Variants in AXDND1 observed in about 807,000 individuals in gnomAD.
The protein encoded by AXDND1 is axonemal dynein light chain domain containing 1.
In AXDND1, 110 loss-of-function variants were observed where a neutral mutation model predicts 137.5. The ratio of observed to expected loss-of-function variants is 0.80; its 90% CI spans 0.69 to 0.94. The LOEUF (loss-of-function observed/expected upper bound fraction) is 0.94, where lower values mean the gene tolerates loss of function less well. Ranked by LOEUF, AXDND1 falls within the 40% of genes least tolerant of loss-of-function variation. The probability of loss-of-function intolerance (pLI) is 0.00; values close to 1 mark genes in which losing one functional copy is unlikely to be tolerated. For missense variants in AXDND1, 1,191 were observed against 1,169.8 expected (o/e 1.02, Z -0.26); for synonymous variants, 414 against 399.7 (o/e 1.04, Z -0.43).
rs374637049 is a variant in AXDND1, at chr1:179,528,324, T to C, written c.2611-3T>C. On this transcript the variant is annotated splice_region_variant and splice_polypyrimidine_tract_variant and intron_variant, in intron 22 of 25. Coordinates refer to ENST00000367618, the MANE Select transcript of AXDND1 (RefSeq NM_144696.6). Reference sequence around the variant, plus strand: ...AACAGGTCCGCATGTTTCTGTGTTCTAGCAACCTTCAACATCTACAGAGAA... The same window carrying C: ...AACAGGTCCGCATGTTTCTGTGTTCCAGCAACCTTCAACATCTACAGAGAA... 384 of 1,610,594 alleles carry C rather than the reference T, an allele frequency of 2.4e-4. No individual in the cohort carries two copies. The highest frequency in any genetic ancestry group is 3.1e-4 in the Non-Finnish European group (367 of 1,177,094).
intron 25 of AXDND1, chr1:179,550,775 C>T (rs1673139325): frequency 3.5e-6 from 1 of 288,162 alleles, no homozygotes; most frequent in South Asian, 3.9e-5. Context: ...GTGTGACAAG[C>T]CCAATGATAG....
intron 16 of AXDND1, among the ~76,000 whole-genome samples, chr1:179,446,926 A>G (rs1038639891): frequency 6.6e-6 from 1 of 152,104 alleles, no homozygotes; most frequent in East Asian, 1.9e-4. Flanking sequence ...ACTTTTAAAA[A>G]TTGATTGGAA....
intron 20 of AXDND1, among the ~76,000 whole-genome samples, chr1:179,505,939 C>T (rs1365364348): frequency 6.6e-6 from 1 of 152,172 alleles, no homozygotes; most frequent in African/African-American, 2.4e-5. Flanking sequence ...AGAATCCTTG[C>T]TCCTGTGCCT....
At chr1:179,475,918 A>C (rs762061734) in intron 17 of AXDND1, among the ~76,000 whole-genome samples, 3 of 152,224 alleles carry the variant, frequency 2.0e-5, no homozygotes, top group Non-Finnish European at 4.4e-5. Flanking sequence ...TGATTGGATC[A>C]TGGGGGCTGT....
intron 25 of AXDND1, among the ~76,000 whole-genome samples, chr1:179,536,157 T>C (rs1671536231): frequency 6.6e-6 from 1 of 152,156 alleles, no homozygotes; most frequent in South Asian, 2.1e-4. Context: ...AAAAATTTTC[T>C]CCCAATCTGT....
At chr1:179,469,259 A>T (rs1182786258) in intron 17 of AXDND1, among the ~76,000 whole-genome samples, 1 of 152,068 alleles carries the variant, frequency 6.6e-6, no homozygotes, top group Non-Finnish European at 1.5e-5. Context: ...GAAAGGAATC[A>T]TTGTACTGTG....
At chr1:179,377,699 G>A (rs1647512833) in intron 4 of AXDND1, among the ~76,000 whole-genome samples, 1 of 152,186 alleles carries the variant, frequency 6.6e-6, no homozygotes, top group African/African-American at 2.4e-5. Context: ...AAGCATGGTA[G>A]AAGATAACTG....
At position 179,456,413 on chromosome 1, in the gene AXDND1, A is replaced by T. The variant is rs561945714; in HGVS notation, c.1798+11209A>T. The T allele has an allele frequency of 7.2e-4, 557 of 777,458 alleles. 1 individual carries two copies. Among genetic ancestry groups the T allele is most frequent in the Non-Finnish European group, 1.1e-3 (453 of 427,930 alleles). The allele number at this position is 777,458 out of a possible 1,614,324, so 48.2% of individuals were successfully genotyped here. On this transcript the variant is annotated intron_variant, in intron 16 of 25. Coordinates refer to ENST00000367618, the MANE Select transcript of AXDND1 (RefSeq NM_144696.6). Reference sequence around the variant, plus strand: ...AATTGCCAAAATCATTGTAGCTTCCACTACCTCCAAAACTGCTTCCACTAC... The same window carrying T: ...AATTGCCAAAATCATTGTAGCTTCCTCTACCTCCAAAACTGCTTCCACTAC...
At chr1:179,480,215 C>A (rs1447037917) in intron 17 of AXDND1, among the ~76,000 whole-genome samples, 2 of 152,146 alleles carry the variant, frequency 1.3e-5, no homozygotes, top group Non-Finnish European at 2.9e-5. Context: ...ATACCTGAGA[C>A]TGGGTAATTT....
intron 12 of AXDND1, among the ~76,000 whole-genome samples, chr1:179,421,030 G>T (rs952431976): frequency 2.7e-5 from 4 of 146,512 alleles, no homozygotes; most frequent in South Asian, 4.4e-4. Flanking sequence ...ATTCTATTTG[G>T]GTATCCCTTC....
chr1:179,525,825 T>TG (rs760232367), intron 22 of AXDND1, among the ~76,000 whole-genome samples: 33 of 150,614 alleles, frequency 2.2e-4, no homozygotes, highest in Non-Finnish European at 4.0e-4. Flanking sequence ...ACATATATAG[T>TG]GGGGGGAAAA....
chr1:179,445,194 T>C lies in AXDND1; in HGVS notation c.1788T>C (p.Asn596=), dbSNP rs1571864293. 2 of 1,553,068 alleles carry C rather than the reference T, an allele frequency of 1.3e-6. No individual in the cohort carries two copies. Among genetic ancestry groups the C allele is most frequent in the East Asian group, 4.6e-5 (2 of 43,810 alleles). The part of the protein sequence containing the change: ...KLYKEYEIRI[N]GDNGYSKILP... ...ACAAAGAATATGAAATAAGAATAAA[T>C]GGGGACAATGGTAAGAAAATACTCA... Residue 596 remains asparagine, a synonymous_variant, in exon 16 of 26, where the codon AAT becomes AAC. Coordinates refer to ENST00000367618, the MANE Select transcript of AXDND1 (RefSeq NM_144696.6).
At chr1:179,438,575 G>A (rs1180561820) in intron 15 of AXDND1, among the ~76,000 whole-genome samples, 1 of 152,214 alleles carries the variant, frequency 6.6e-6, no homozygotes, top group Admixed American at 6.5e-5. Flanking sequence ...TCTAGGACAC[G>A]ATGAGTAAGC....
rs1183042289 is a variant in AXDND1, at chr1:179,554,565, C to G, written c.*46C>G. On this transcript the variant is annotated 3_prime_UTR_variant, in exon 26 of 26. Coordinates refer to ENST00000367618, the MANE Select transcript of AXDND1 (RefSeq NM_144696.6). The stretch of plus-strand genomic sequence containing the variant: ...AGAAGAATTCAGATGTCAGTGGGAG[C>G]CTCCAGGTGGGAGGAGAGCATGCCT... The G allele has an allele frequency of 1.9e-6, 3 of 1,614,098 alleles. No homozygotes were observed. Among genetic ancestry groups the G allele is most frequent in the Non-Finnish European group, 2.5e-6 (3 of 1,179,964 alleles).
At chr1:179,430,412 A>G (rs751792640) in intron 13 of AXDND1, 40 bp from the exon 14 acceptor site, 4 of 1,477,686 alleles carry the variant, frequency 2.7e-6, no homozygotes, top group Non-Finnish European at 3.7e-6. Context: ...TGTTATATAC[A>G]TAAATGAATA....
At chr1:179,492,776 A>G in intron 19 of AXDND1, 79 bp from the exon 20 acceptor site, 1 of 929,492 alleles carries the variant, frequency 1.1e-6, no homozygotes, top group Non-Finnish European at 1.6e-6. Context: ...AAACACTTAG[A>G]AGAAGAACCA....
In AXDND1 at chr1:179,394,139, C is replaced by G. The variant is rs537289110; in HGVS notation, c.1004+96C>G. On this transcript the variant is annotated intron_variant, in intron 10 of 25. Transcript: ENST00000367618. ...TTAGGGAAAGTGGAATGGTTAAAGG[C>G]CAAGGTTCTTCTGTTTCCTTTTCAT... 17 of 1,269,040 alleles carry G rather than the reference C, an allele frequency of 1.3e-5. No individual in the cohort carries two copies. The African/African-American group carries it at 2.3e-4, about 17-fold the overall frequency. The allele number at this position is 1,269,040 out of a possible 1,614,324, so 78.6% of individuals were successfully genotyped here.
At chr1:179,549,944 T>C (rs1448943496) in intron 25 of AXDND1, among the ~76,000 whole-genome samples, 1 of 152,184 alleles carries the variant, frequency 6.6e-6, no homozygotes, top group South Asian at 2.1e-4. Context: ...CCAACCCATG[T>C]CCTGTTGCTG....
intron 23 of AXDND1, 65 bp downstream of exon 23, chr1:179,528,496 G>A (rs775537250): frequency 1.4e-5 from 16 of 1,158,076 alleles, no homozygotes; most frequent in Non-Finnish European, 2.0e-5. Flanking sequence ...ATGATATGGT[G>A]CTAACATAAC....
Sources: allele counts gnomAD v4.1 joint callset (sites outside exome capture counted in the v4.1 genomes callset), GRCh38; gene constraint gnomAD v4.1.1; transcripts MANE v1.5; gene names NCBI Gene and HGNC (gene_info 2026-07-23, HGNC 2026-07-21).